The following FAM151B variants were observed in gnomAD, a reference collection of about 807,000 sequenced individuals.
The protein encoded by FAM151B is protein FAM151B.
Under a neutral mutation model 31.2 loss-of-function variants are expected in FAM151B, and 24 were observed. That is an observed-to-expected ratio of 0.77 (90% confidence interval 0.56 to 1.08). The LOEUF (loss-of-function observed/expected upper bound fraction) is 1.08, where lower values mean the gene tolerates loss of function less well. Ranked by LOEUF, FAM151B falls within the 50% of genes least tolerant of loss-of-function variation. The probability of loss-of-function intolerance (pLI) is 0.00; values close to 1 mark genes in which losing one functional copy is unlikely to be tolerated. For synonymous variants in FAM151B, 105 were observed against 111.4 expected (o/e 0.94, Z 0.36); for missense variants, 293 against 328.6 (o/e 0.89, Z 0.84).
chr5:80,516,100 G>A (rs1472424301), intron 3 of FAM151B, among the ~76,000 whole-genome samples: 3 of 152,166 alleles, frequency 2.0e-5, no homozygotes, highest in Admixed American at 6.5e-5. Flanking sequence ...CAAGGTGGGC[G>A]AATCACCTGA....
chr5:80,503,005 G>T (rs1043304784), intron 2 of FAM151B, among the ~76,000 whole-genome samples: 2 of 152,002 alleles, frequency 1.3e-5, no homozygotes, highest in East Asian at 1.9e-4. Context: ...ATGAGTACAG[G>T]GTTTCTTTTT....
chr5:80,488,546 C>G (rs1416436509), intron 1 of FAM151B, among the ~76,000 whole-genome samples: 2 of 152,190 alleles, frequency 1.3e-5, no homozygotes, highest in African/African-American at 2.4e-5. Flanking sequence ...GGGCCGGGCC[C>G]GGCATAGTCC....
chr5:80,500,442 C>T, intron 1 of FAM151B: 1 of 1,030,502 alleles, frequency 9.7e-7, no homozygotes, highest in Non-Finnish European at 1.5e-6. Flanking sequence ...AAGAAGTTTA[C>T]CCAAAAGATG....
intron 1 of FAM151B, chr5:80,495,372 CAA>C (rs2112597744): frequency 6.6e-6 from 1 of 152,016 alleles, no homozygotes; most frequent in South Asian, 2.1e-4. Flanking sequence ...TGGATGTGGG[CAA>C]AGAGTCATCA....
chr5:80,496,035 C>G (rs2112598722), intron 1 of FAM151B, among the ~76,000 whole-genome samples: 1 of 152,086 alleles, frequency 6.6e-6, no homozygotes, highest in Admixed American at 6.5e-5. Flanking sequence ...TTGAAATGAC[C>G]ACAGATGATA....
rs776089650 is a variant in FAM151B, at chr5:80,538,448, C to CTCTTTCTTTCTTTCTT, written c.672-3202_672-3187dup. 1.8e-4 allele frequency among the ~76,000 whole-genome samples: 9 copies of CTCTTTCTTTCTTTCTT among 49,356 alleles called. 1 individual carries two copies. Among genetic ancestry groups the CTCTTTCTTTCTTTCTT allele is most frequent in the South Asian group, 7.8e-4 (1 of 1,278 alleles). 32.4% of individuals were successfully genotyped at this position (49,356 alleles called of 152,430 possible). On this transcript the variant is annotated intron_variant, in intron 5 of 5. Transcript: ENST00000282226. ...TCTTTCTTTCTTTCTTTCTTTCTTT[C>CTCTTTCTTTCTTTCTT]TCTTTCTTTCTTTCTTTCTTTCTTT... is the stretch of plus-strand genomic sequence containing the variant.
At chr5:80,529,705 G>A (rs1037619603) in intron 5 of FAM151B, among the ~76,000 whole-genome samples, 23 of 152,096 alleles carry the variant, frequency 1.5e-4, no homozygotes, top group South Asian at 4.1e-4. Flanking sequence ...TTGAATCTCC[G>A]AATAGACCAA....
intron 5 of FAM151B, among the ~76,000 whole-genome samples, chr5:80,538,073 A>ATT (rs56023066): frequency 2.1e-5 from 3 of 141,390 alleles, no homozygotes; most frequent in Non-Finnish European, 4.6e-5. Flanking sequence ...TATTTTATTA[A>ATT]TTTTTTTTTT....
intron 2 of FAM151B, among the ~76,000 whole-genome samples, chr5:80,507,660 G>T (rs934122780): frequency 6.6e-6 from 1 of 152,184 alleles, no homozygotes; most frequent in South Asian, 2.1e-4. Flanking sequence ...CAGCCTGGGC[G>T]ACAGAACGAG....
chr5:80,521,178 G>A (rs1411052579), intron 4 of FAM151B, among the ~76,000 whole-genome samples: 1 of 140,586 alleles, frequency 7.1e-6, no homozygotes, highest in Non-Finnish European at 1.5e-5. Context: ...CAGGCTGAGT[G>A]CAGTAGTACC....
At chr5:80,498,263 A>G (rs546085472) in intron 1 of FAM151B, among the ~76,000 whole-genome samples, 1 of 152,310 alleles carries the variant, frequency 6.6e-6, no homozygotes, top group East Asian at 1.9e-4. Flanking sequence ...TATGCCAAAT[A>G]GGGCCACGTG....
chr5:80,499,011 T>TA, intron 1 of FAM151B: 1 of 161,056 alleles, frequency 6.2e-6, no homozygotes, highest in Non-Finnish European at 1.3e-5. Context: ...AGATGGCAGA[T>TA]GGAAAAAAAA....
At chr5:80,500,588 C>T (rs139784153) in intron 1 of FAM151B, 7 of 756,962 alleles carry the variant, frequency 9.2e-6, no homozygotes, top group African/African-American at 6.8e-5. Context: ...ACCTGCAGAA[C>T]CCAAAATGGC....
At chr5:80,532,050 T>G (rs180740923) in intron 5 of FAM151B, among the ~76,000 whole-genome samples, 1 of 152,174 alleles carries the variant, frequency 6.6e-6, no homozygotes, top group Admixed American at 6.5e-5. Context: ...TGGAATACTA[T>G]GCACCCATAA....
intron 5 of FAM151B, among the ~76,000 whole-genome samples, chr5:80,541,039 T>C (rs969900926): frequency 1.3e-5 from 2 of 152,248 alleles, no homozygotes; most frequent in South Asian, 2.1e-4. Flanking sequence ...CCAGAAGAAA[T>C]AGAAGTGTAC....
intron 3 of FAM151B, among the ~76,000 whole-genome samples, chr5:80,514,745 T>A (rs1018370548): frequency 7.9e-5 from 12 of 152,038 alleles, no homozygotes; most frequent in African/African-American, 2.4e-4. Flanking sequence ...GTAATATTTT[T>A]AAATAGAATT....
At chr5:80,538,396 C>T (rs1745627161) in intron 5 of FAM151B, among the ~76,000 whole-genome samples, 1 of 51,400 alleles carries the variant, frequency 1.9e-5, no homozygotes, top group African/African-American at 1.1e-4. Flanking sequence ...TTCTTTCTTT[C>T]TTTCTTTCTT....
At chr5:80,538,480 T>C in intron 5 of FAM151B, among the ~76,000 whole-genome samples, 2 of 120,940 alleles carry the variant, frequency 1.7e-5, no homozygotes, top group African/African-American at 6.3e-5. Flanking sequence ...CTTTCTTTCT[T>C]TCTTTCCTTC....
chr5:80,535,362 A>C (rs996883131), intron 5 of FAM151B, among the ~76,000 whole-genome samples: 7 of 152,224 alleles, frequency 4.6e-5, no homozygotes, highest in African/African-American at 1.7e-4. Context: ...CTACAGAGCT[A>C]TAGTAACCAA....
Sources: allele counts gnomAD v4.1 joint callset (sites outside exome capture counted in the v4.1 genomes callset), GRCh38; gene constraint gnomAD v4.1.1; transcripts MANE v1.5; gene names NCBI Gene and HGNC (gene_info 2026-07-23, HGNC 2026-07-21).